Variants in ZNF277 observed in about 807,000 individuals in gnomAD.
ZNF277 encodes the protein zinc finger protein 277.
In ZNF277, 55 loss-of-function variants were observed where a neutral mutation model predicts 60.7. The ratio of observed to expected loss-of-function variants is 0.91; its 90% CI spans 0.73 to 1.13. The LOEUF is 1.13. Among genes scored for constraint, ZNF277 ranks in the 50% most tolerant of loss-of-function variants. The pLI is 0.00. For missense variants in ZNF277, 510 were observed against 523.0 expected (o/e 0.98, Z 0.24); for synonymous variants, 178 against 179.3 (o/e 0.99, Z 0.06).
At chr7:112,299,057 G>A (rs566020348) in intron 4 of ZNF277, among the ~76,000 whole-genome samples, 43 of 152,142 alleles carry the variant, frequency 2.8e-4, no homozygotes, top group East Asian at 1.4e-3. Flanking sequence ...ACAATAGCCC[G>A]CCACTGGAAT....
In ZNF277 at chr7:112,310,489, G is replaced by GAGAGAGAGAGAGAGAGAGAGAGAGAA. The variant is rs1305151299; in HGVS notation, c.466-7693_466-7692insAGAGAGAGAGAGAGAGAGAGAGAGAA. Among the ~76,000 whole-genome samples the GAGAGAGAGAGAGAGAGAGAGAGAGAA allele has an allele frequency of 2.6e-3, 376 of 142,078 alleles. 14 individuals are homozygous for GAGAGAGAGAGAGAGAGAGAGAGAGAA. The highest frequency in any genetic ancestry group is 8.5e-3 in the African/African-American group (281 of 33,058). 93.2% of individuals were successfully genotyped at this position (142,078 alleles called of 152,430 possible). On this transcript the variant is annotated intron_variant, in intron 4 of 11. Transcript: ENST00000361822. ...AGAGAGAGAGAGAGAGTGTGTGTGTGTGTATGTATTTTATTTTTTATTTGC... is the reference window on the plus strand; with the variant it reads ...AGAGAGAGAGAGAGAGTGTGTGTGTGAGAGAGAGAGAGAGAGAGAGAGAGAATGTATGTATTTTATTTTTTATTTGC...
chr7:112,263,644 G>A (rs560344275), intron 1 of ZNF277, among the ~76,000 whole-genome samples: 153 of 152,284 alleles, frequency 1.0e-3, no homozygotes, highest in African/African-American at 3.5e-3. Context: ...TACAGTACAT[G>A]CTGTTCATTT....
rs139499099 is a variant in ZNF277, at chr7:112,293,693, T to G, written c.294-2176T>G. On this transcript the variant is annotated intron_variant, in intron 2 of 11. Transcript: ENST00000361822. ...TTTCACACAGATACTTTTCTAAGAC[T>G]GTGAACATTTTCCAAAGTAAAGTAG... is the stretch of plus-strand genomic sequence containing the variant. 7.5e-3 allele frequency among the ~76,000 whole-genome samples: 1,142 copies of G among 152,326 alleles called. 9 individuals carry two copies. Among genetic ancestry groups the G allele is most frequent in the Middle Eastern group, 0.031 (9 of 294 alleles).
chr7:112,323,577 G>A (rs1275838835), intron 5 of ZNF277, among the ~76,000 whole-genome samples: 1 of 152,200 alleles, frequency 6.6e-6, no homozygotes, highest in East Asian at 1.9e-4. Flanking sequence ...CTATTGTGGA[G>A]CTAAGGGGAG....
At chr7:112,294,022 T>G (rs951866312) in intron 2 of ZNF277, among the ~76,000 whole-genome samples, 4 of 152,256 alleles carry the variant, frequency 2.6e-5, no homozygotes, top group Admixed American at 6.5e-5. Flanking sequence ...TTTAGAGGAA[T>G]AATCCATCTT....
At chr7:112,295,773 C>A in intron 2 of ZNF277, 96 bp from the exon 3 acceptor site, 1 of 947,904 alleles carries the variant, frequency 1.1e-6, no homozygotes, top group Non-Finnish European at 1.6e-6. Flanking sequence ...TGATTTGTTG[C>A]TTTGGGATGA....
intron 7 of ZNF277, among the ~76,000 whole-genome samples, chr7:112,333,871 G>C (rs985106172): frequency 6.6e-6 from 1 of 152,178 alleles, no homozygotes; most frequent in Non-Finnish European, 1.5e-5. Flanking sequence ...TAAGGTGCCA[G>C]TTAGTTTCAC....
At chr7:112,257,770 C>T (rs1204311736) in intron 1 of ZNF277, among the ~76,000 whole-genome samples, 1 of 152,006 alleles carries the variant, frequency 6.6e-6, no homozygotes, top group African/African-American at 2.4e-5. Context: ...AATGTTATCA[C>T]AATTTTCAAA....
intron 10 of ZNF277, among the ~76,000 whole-genome samples, chr7:112,340,375 C>T (rs759760940): frequency 1.7e-4 from 26 of 152,100 alleles, no homozygotes; most frequent in Admixed American, 6.5e-5. Context: ...AACAATAGAA[C>T]GATTTGGGGC....
At chr7:112,216,136 A>G (rs1312023581) in intron 1 of ZNF277, among the ~76,000 whole-genome samples, 1 of 151,440 alleles carries the variant, frequency 6.6e-6, no homozygotes, top group African/African-American at 2.4e-5. Context: ...TTTATGAATG[A>G]CTTTTGAATG....
intron 1 of ZNF277, among the ~76,000 whole-genome samples, chr7:112,258,970 AATT>A (rs1791384403): frequency 6.6e-6 from 1 of 152,014 alleles, no homozygotes; most frequent in Non-Finnish European, 1.5e-5. Flanking sequence ...TGAAAAGCTA[AATT>A]ATTAATACTT....
intron 1 of ZNF277, among the ~76,000 whole-genome samples, chr7:112,247,534 G>A (rs902617992): frequency 5.9e-5 from 9 of 152,124 alleles, no homozygotes; most frequent in African/African-American, 2.2e-4. Context: ...TTGGTGTGAG[G>A]CAAAGAAGAT....
At chr7:112,297,952 G>A (rs1158346667) in intron 4 of ZNF277, among the ~76,000 whole-genome samples, 1 of 152,076 alleles carries the variant, frequency 6.6e-6, no homozygotes, top group Non-Finnish European at 1.5e-5. Context: ...TACATATACT[G>A]CATTTAAGTT....
chr7:112,220,655 C>T (rs1181660340), intron 1 of ZNF277, among the ~76,000 whole-genome samples: 1 of 152,184 alleles, frequency 6.6e-6, no homozygotes, highest in African/African-American at 2.4e-5. Context: ...TATTCAGAGA[C>T]AGGACTAGCT....
At chr7:112,334,090 A>G (rs1432500208) in intron 7 of ZNF277, among the ~76,000 whole-genome samples, 4 of 152,282 alleles carry the variant, frequency 2.6e-5, no homozygotes, top group East Asian at 1.9e-4. Flanking sequence ...CTGATTTTTC[A>G]TAGTTTTTTA....
chr7:112,264,773 A>G (rs1448795727), intron 1 of ZNF277, among the ~76,000 whole-genome samples: 1 of 152,180 alleles, frequency 6.6e-6, no homozygotes, highest in African/African-American at 2.4e-5. Context: ...AGTACATGTA[A>G]AAGTTATATT....
At chr7:112,332,649 C>G (rs1414671105) in intron 7 of ZNF277, among the ~76,000 whole-genome samples, 1 of 152,200 alleles carries the variant, frequency 6.6e-6, no homozygotes, top group Non-Finnish European at 1.5e-5. Flanking sequence ...TAGCCCGTTT[C>G]CACTTCCTAT....
At chr7:112,271,988 T>C (rs1200692514) in intron 1 of ZNF277, among the ~76,000 whole-genome samples, 1 of 152,170 alleles carries the variant, frequency 6.6e-6, no homozygotes, top group Non-Finnish European at 1.5e-5. Flanking sequence ...GTACAGTACA[T>C]TGTTACACAG....
chr7:112,258,670 G>C (rs912395875), intron 1 of ZNF277, among the ~76,000 whole-genome samples: 9 of 151,750 alleles, frequency 5.9e-5, no homozygotes, highest in African/African-American at 1.9e-4. Flanking sequence ...TTTTTTATTG[G>C]GTGATTGCTG....
Sources: allele counts gnomAD v4.1 joint callset (sites outside exome capture counted in the v4.1 genomes callset), GRCh38; gene constraint gnomAD v4.1.1; transcripts MANE v1.5; gene names NCBI Gene and HGNC (gene_info 2026-07-23, HGNC 2026-07-21).